ZNF254: variants seen among roughly 807,000 people sequenced by gnomAD.
ZNF254 encodes zinc finger protein 254, also known as CTD-2017D11.1.
Under a neutral mutation model 12.4 loss-of-function variants are expected in ZNF254, and 10 were observed. That is an observed-to-expected ratio of 0.80 (90% CI 0.50 to 1.36). The LOEUF is 1.36. ZNF254 is among the 40% of genes most tolerant of loss of function. ZNF254 has a pLI of 0.00. For missense variants in ZNF254, 996 were observed against 763.9 expected, an observed-to-expected ratio of 1.30 and a Z score of -3.58; for synonymous variants, 305 against 253.4, an observed-to-expected ratio of 1.20 and a Z score of -1.93.
intron 3 of ZNF254, among the ~76,000 whole-genome samples, chr19:24,113,826 C>T (rs376342370): frequency 6.6e-6 from 1 of 152,186 alleles, no homozygotes; most frequent in East Asian, 1.9e-4. Context: ...TGATAAGCAA[C>T]TTCAGCAATG....
chr19:24,115,471 C>T (rs1973987788), intron 3 of ZNF254, among the ~76,000 whole-genome samples: 1 of 147,128 alleles, frequency 6.8e-6, no homozygotes. Context: ...GGGAATTGAA[C>T]AATGAGAACA....
Position 24,126,321 on chromosome 19 carries a change from A to C in ZNF254, c.321A>C (p.Ala107=), listed in dbSNP as rs1974832775. ...EQGMEDSFQK[A]ILRRYGKYGH... Reference sequence around the variant, plus strand: ...GCATGGAAGATTCTTTTCAAAAAGCAATACTGAGAAGATATGGAAAATATG... The same window carrying C: ...GCATGGAAGATTCTTTTCAAAAAGCCATACTGAGAAGATATGGAAAATATG... The change falls in exon 4 of 4, where the codon GCA becomes GCC. Residue 107 remains alanine, a synonymous_variant. Coordinates refer to ENST00000357002, the MANE Select transcript of ZNF254 (RefSeq NM_203282.4). The C allele has an allele frequency of 1.3e-6, 2 of 1,598,498 alleles. No individual in the cohort carries two copies. Among genetic ancestry groups the C allele is most frequent in the African/African-American group, 1.3e-5 (1 of 74,444 alleles).
intron 1 of ZNF254, among the ~76,000 whole-genome samples, chr19:24,037,548 C>T (rs191385154): frequency 3.6e-4 from 55 of 152,284 alleles, no homozygotes; most frequent in Admixed American, 3.5e-3. Context: ...GTTCTCCTGC[C>T]TTATCCTCCC....
At chr19:24,052,037 T>C (rs1392483471) in intron 2 of ZNF254, among the ~76,000 whole-genome samples, 2 of 152,168 alleles carry the variant, frequency 1.3e-5, no homozygotes, top group East Asian at 3.9e-4. Context: ...GCCCATTATA[T>C]AGGTGATGTG....
intron 3 of ZNF254, among the ~76,000 whole-genome samples, chr19:24,121,739 G>A (rs994188406): frequency 6.6e-5 from 10 of 151,950 alleles, no homozygotes; most frequent in African/African-American, 2.2e-4. Flanking sequence ...TGTATTTTTA[G>A]TAGAGACAGA....
chr19:24,048,527 G>A (rs73520401), intron 2 of ZNF254, among the ~76,000 whole-genome samples: 128 of 152,296 alleles, frequency 8.4e-4, no homozygotes, highest in African/African-American at 2.9e-3. Flanking sequence ...CTCAATGATG[G>A]CTCACTGTGC....
At chr19:24,124,410 T>G (rs529487687) in intron 3 of ZNF254, among the ~76,000 whole-genome samples, 7 of 152,290 alleles carry the variant, frequency 4.6e-5, no homozygotes, top group Non-Finnish European at 7.4e-5. Flanking sequence ...GAAATTTGAC[T>G]TTTGTGTATT....
chr19:24,061,032 C>T (rs753103553), intron 2 of ZNF254, among the ~76,000 whole-genome samples: 1 of 152,020 alleles, frequency 6.6e-6, no homozygotes, highest in East Asian at 1.9e-4. Flanking sequence ...TGTGATTCTT[C>T]TCCACTGCTT....
At chr19:24,043,658 AAC>A (rs1385420674) in intron 1 of ZNF254, among the ~76,000 whole-genome samples, 2 of 152,246 alleles carry the variant, frequency 1.3e-5, no homozygotes, top group South Asian at 2.1e-4. Flanking sequence ...TGTTTTAGGA[AAC>A]ACAAAAAAGC....
At chr19:24,101,099 A>T (rs902527914) in intron 1 of ZNF254, among the ~76,000 whole-genome samples, 1 of 151,854 alleles carries the variant, frequency 6.6e-6, no homozygotes, top group African/African-American at 2.4e-5. Flanking sequence ...CCTGCCTTGG[A>T]CTCCCAAAGT....
intron 2 of ZNF254, among the ~76,000 whole-genome samples, chr19:24,050,882 A>T (rs575005679): frequency 6.6e-6 from 1 of 151,540 alleles, no homozygotes; most frequent in African/African-American, 2.4e-5. Context: ...TTATGTTTTC[A>T]GTAGAGATGG....
chr19:24,090,943 ATTTTTTTTT>A (rs869068959), intron 1 of ZNF254, among the ~76,000 whole-genome samples: 1 of 89,634 alleles, frequency 1.1e-5, no homozygotes, highest in East Asian at 3.4e-4. Flanking sequence ...TGGAGGAGTG[ATTTTTTTTT>A]TTTTTTTTTT....
At chr19:24,045,436 G>A (rs1332170724) in intron 1 of ZNF254, among the ~76,000 whole-genome samples, 1 of 151,976 alleles carries the variant, frequency 6.6e-6, no homozygotes, top group Non-Finnish European at 1.5e-5. Context: ...TTGGGAGGCC[G>A]AGGTGGGCGA....
At chr19:24,109,788 G>C (rs1003363642) in intron 3 of ZNF254, among the ~76,000 whole-genome samples, 2 of 146,588 alleles carry the variant, frequency 1.4e-5, no homozygotes, top group Non-Finnish European at 3.0e-5. Flanking sequence ...ATGTGATCTC[G>C]GCTCACTGCA....
At chr19:24,050,069 G>A (rs539381788) in intron 2 of ZNF254, among the ~76,000 whole-genome samples, 2 of 151,960 alleles carry the variant, frequency 1.3e-5, no homozygotes, top group East Asian at 3.9e-4. Flanking sequence ...TGTGATATGA[G>A]TCTCCTGCCT....
chr19:24,052,801 A>G (rs2145324803), intron 2 of ZNF254, among the ~76,000 whole-genome samples: 1 of 152,262 alleles, frequency 6.6e-6, no homozygotes, highest in South Asian at 2.1e-4. Flanking sequence ...TGTGATACAT[A>G]TCTTATCCAA....
intron 1 of ZNF254, among the ~76,000 whole-genome samples, chr19:24,090,937 G>A (rs1184360407): frequency 6.7e-6 from 1 of 148,822 alleles, no homozygotes; most frequent in African/African-American, 2.5e-5. Flanking sequence ...TTTTTATGGA[G>A]GAGTGATTTT....
At chr19:24,061,815 G>A (rs1039206809) in intron 2 of ZNF254, among the ~76,000 whole-genome samples, 29 of 152,228 alleles carry the variant, frequency 1.9e-4, no homozygotes, top group African/African-American at 6.3e-4. Context: ...TGGGTGTGGC[G>A]GCTCACGCCT....
intron 1 of ZNF254, among the ~76,000 whole-genome samples, chr19:24,087,725 G>A (rs193199007): frequency 1.2e-4 from 18 of 152,118 alleles, no homozygotes; most frequent in African/African-American, 3.9e-4. Context: ...AAAAATTTAT[G>A]GGCGTCACTG....
Sources: allele counts gnomAD v4.1 joint callset (sites outside exome capture counted in the v4.1 genomes callset), GRCh38; gene constraint gnomAD v4.1.1; transcripts MANE v1.5; gene names NCBI Gene and HGNC (gene_info 2026-07-23, HGNC 2026-07-21).